JAKMIP2: variants seen among roughly 807,000 people sequenced by gnomAD.
JAKMIP2 encodes the protein janus kinase and microtubule-interacting protein 2.
JAKMIP2 carries 25 observed loss-of-function variants against 115.0 expected under a neutral mutation model. The observed-to-expected ratio is 0.22, with a 90% CI of 0.16 to 0.30. The LOEUF is 0.30. JAKMIP2 is among the 10% of genes least tolerant of loss of function. JAKMIP2 has a pLI of 1.00. For synonymous variants in JAKMIP2, 334 were observed against 343.6 expected (o/e 0.97, Z 0.31); for missense variants, 642 against 957.6 (o/e 0.67, Z 4.35).
At chr5:147,736,785 T>G (rs1753941236) in intron 1 of JAKMIP2, among the ~76,000 whole-genome samples, 1 of 152,150 alleles carries the variant, frequency 6.6e-6, no homozygotes, top group African/African-American at 2.4e-5. Flanking sequence ...TGTACGGAAT[T>G]TAGGGTCAAT....
intron 1 of JAKMIP2, among the ~76,000 whole-genome samples, chr5:147,749,916 T>C (rs896824098): frequency 6.6e-6 from 1 of 152,206 alleles, no homozygotes; most frequent in Non-Finnish European, 1.5e-5. Flanking sequence ...TTGGTTTGAC[T>C]TATCCATTCC....
chr5:147,652,446 C>T (rs1758448904), intron 3 of JAKMIP2, among the ~76,000 whole-genome samples: 1 of 152,074 alleles, frequency 6.6e-6, no homozygotes, highest in African/African-American at 2.4e-5. Context: ...GAAAATCAAC[C>T]AAAGCCCTAC....
chr5:147,739,325 A>G (rs1379323716), intron 1 of JAKMIP2, among the ~76,000 whole-genome samples: 1 of 152,152 alleles, frequency 6.6e-6, no homozygotes, highest in African/African-American at 2.4e-5. Context: ...GTCAAAGAAT[A>G]TGTGAGATTC....
At chr5:147,637,786 T>A (rs73268153) in intron 10 of JAKMIP2, among the ~76,000 whole-genome samples, 8 of 151,958 alleles carry the variant, frequency 5.3e-5, no homozygotes, top group African/African-American at 1.9e-4. Context: ...GTCTTTCTCT[T>A]TATATATCAT....
At chr5:147,647,301 A>G (rs1758180416) in intron 5 of JAKMIP2, among the ~76,000 whole-genome samples, 1 of 152,130 alleles carries the variant, frequency 6.6e-6, no homozygotes, top group Admixed American at 6.5e-5. Context: ...GAATGAAATA[A>G]CAATATATTA....
intron 1 of JAKMIP2, among the ~76,000 whole-genome samples, chr5:147,736,863 G>T (rs1753943661): frequency 6.6e-6 from 1 of 152,058 alleles, no homozygotes; most frequent in Non-Finnish European, 1.5e-5. Context: ...GAAGAGAGAG[G>T]TTTTCTACAA....
intron 1 of JAKMIP2, among the ~76,000 whole-genome samples, chr5:147,771,640 T>C (rs1561586572): frequency 6.6e-6 from 1 of 152,070 alleles, no homozygotes; most frequent in East Asian, 1.9e-4. Flanking sequence ...TATGCATTCA[T>C]AGTTTAGGGC....
chr5:147,776,966 A>G (rs1755581697), intron 1 of JAKMIP2, among the ~76,000 whole-genome samples: 1 of 152,144 alleles, frequency 6.6e-6, no homozygotes, highest in African/African-American at 2.4e-5. Flanking sequence ...TTAAAAAATA[A>G]AACTACACGA....
intron 2 of JAKMIP2, among the ~76,000 whole-genome samples, chr5:147,662,486 T>C (rs1236779910): frequency 1.3e-5 from 2 of 152,206 alleles, no homozygotes; most frequent in Non-Finnish European, 2.9e-5. Flanking sequence ...TACCTATTGA[T>C]CTAATCTGGC....
chr5:147,742,500 T>A (rs933449925), intron 1 of JAKMIP2, among the ~76,000 whole-genome samples: 1 of 152,100 alleles, frequency 6.6e-6, no homozygotes, highest in Non-Finnish European at 1.5e-5. Flanking sequence ...CTAGCTCCCA[T>A]GAAGTTTGCA....
chr5:147,635,162 AGTAAAACTCCGTCTC>A (rs1757553851), intron 12 of JAKMIP2, among the ~76,000 whole-genome samples: 1 of 150,904 alleles, frequency 6.6e-6, no homozygotes, highest in Non-Finnish European at 1.5e-5. Flanking sequence ...GGGCAACAAG[AGTAAAACTCCGTCTC>A]AAAAAAAAAA....
intron 1 of JAKMIP2, among the ~76,000 whole-genome samples, chr5:147,693,828 A>C (rs1164909884): frequency 6.6e-6 from 1 of 152,190 alleles, no homozygotes. Flanking sequence ...AATCCTTAGA[A>C]TTACAATTAA....
chr5:147,694,378 T>C (rs1752006691), intron 1 of JAKMIP2, among the ~76,000 whole-genome samples: 1 of 152,156 alleles, frequency 6.6e-6, no homozygotes, highest in Non-Finnish European at 1.5e-5. Context: ...GCAGCTAAAA[T>C]AGGAACAGGA....
intron 10 of JAKMIP2, among the ~76,000 whole-genome samples, chr5:147,637,774 C>T (rs1185669800): frequency 3.3e-5 from 5 of 152,072 alleles, no homozygotes; most frequent in Non-Finnish European, 4.4e-5. Flanking sequence ...CAATTTCTCT[C>T]TGTCTTTCTC....
intron 17 of JAKMIP2, among the ~76,000 whole-genome samples, 184 bp downstream of exon 17, chr5:147,623,437 G>A (rs973754493): frequency 6.6e-6 from 1 of 151,960 alleles, no homozygotes; most frequent in Non-Finnish European, 1.5e-5. Context: ...TTTTTGGGGG[G>A]AGAATATAGC....
At chr5:147,714,415 G>A (rs946922461) in intron 1 of JAKMIP2, among the ~76,000 whole-genome samples, 7 of 152,102 alleles carry the variant, frequency 4.6e-5, no homozygotes, top group Non-Finnish European at 7.4e-5. Flanking sequence ...AAAACAGGTC[G>A]AAAGCATGGA....
chr5:147,632,601 CA>C (rs1757417446), intron 13 of JAKMIP2, 78 bp downstream of exon 13: 1 of 899,274 alleles, frequency 1.1e-6, no homozygotes. Flanking sequence ...ATGCTTAATA[CA>C]GCGCCTAGCT....
chr5:147,761,168 T>A (rs79878893), intron 1 of JAKMIP2, among the ~76,000 whole-genome samples: 16,953 of 152,096 alleles, frequency 0.11, 1,172 homozygotes, highest in Middle Eastern at 0.19. Context: ...TTCCCAGCAG[T>A]TGTACAAGAA....
At chr5:147,714,601 T>C (rs556458877) in intron 1 of JAKMIP2, among the ~76,000 whole-genome samples, 1 of 152,276 alleles carries the variant, frequency 6.6e-6, no homozygotes, top group Non-Finnish European at 1.5e-5. Context: ...TGATGAAACA[T>C]ATCTATCCGT....
Sources: gnomAD v4.1 joint callset for allele counts (sites outside exome capture counted in the v4.1 genomes callset) on GRCh38, gnomAD v4.1.1 for gene constraint, MANE v1.5 for transcripts, NCBI Gene and HGNC (gene_info 2026-07-23, HGNC 2026-07-21) for gene names.